CEP120: variants seen among roughly 807,000 people sequenced by gnomAD.
CEP120 encodes the protein centrosomal protein of 120 kDa.
In CEP120, 113 loss-of-function variants were observed where a neutral mutation model predicts 126.5. The observed-to-expected ratio is 0.89, with a 90% CI of 0.77 to 1.04. CEP120 has a LOEUF of 1.04. CEP120 is among the 50% of genes least tolerant of loss of function. The pLI, the probability that CEP120 is intolerant of heterozygous loss-of-function variation, is 0.00. For synonymous variants in CEP120, 400 were observed against 394.3 expected (o/e 1.01, Z -0.17); for missense variants, 1,230 against 1,155.7 (o/e 1.06, Z -0.93).
intron 8 of CEP120, among the ~76,000 whole-genome samples, chr5:123,389,714 G>C (rs1562052751): frequency 6.6e-6 from 1 of 152,114 alleles, no homozygotes; most frequent in Non-Finnish European, 1.5e-5. Context: ...TGGTCAGGCT[G>C]GTCTCGAATG....
chr5:123,412,470 G>A lies in CEP120; in HGVS notation c.392C>T (p.Ala131Val). 1 of 1,611,148 alleles carries A rather than the reference G, an allele frequency of 6.2e-7. No individual in the cohort carries two copies. The highest frequency in any genetic ancestry group is 1.1e-5 in the South Asian group (1 of 90,486). Reference protein sequence around the residue: ...KFKSEIQISIALETDTKPPVD... With the variant: ...KFKSEIQISIVLETDTKPPVD... ...TGGTGGCTTTGTATCGGTTTCCAAAGCAATACTTATCTGTATCTCAGACTT... is the reference window on the plus strand; with the variant it reads ...TGGTGGCTTTGTATCGGTTTCCAAAACAATACTTATCTGTATCTCAGACTT... The change falls in exon 4 of 20, where the codon GCT (alanine) becomes GTT (valine). Residue 131 changes from alanine to valine, a missense_variant. By Grantham distance (64) the Ala-to-Val change is moderately conservative (BLOSUM62 0). Transcript: ENST00000306467.
At chr5:123,391,054 A>C (rs1220485855) in intron 7 of CEP120, 56 bp downstream of exon 7, 1 of 1,291,564 alleles carries the variant, frequency 7.7e-7, no homozygotes, top group African/African-American at 1.5e-5. Context: ...AACTTTTGTA[A>C]GTAATCATGC....
rs1768766840 is a variant in CEP120 at position 123,345,738 on chromosome 5, G to C, written c.*781C>G. On this transcript the variant is annotated 3_prime_UTR_variant, in exon 20 of 20. Transcript: ENST00000306467. ...AATGTCTTTATGTGTCTGTTTCCAT[G>C]TTCTATTACAGAGGGTTTAAGCTGA... is the stretch of plus-strand genomic sequence containing the variant. 6.6e-6 allele frequency: 1 copy of C among 152,092 alleles called. No homozygotes were observed. The allele number at this position is 152,092 out of a possible 1,614,324, so 9.4% of individuals were successfully genotyped here. A position where few individuals can be genotyped will look rare whatever the true frequency, so the allele number is the denominator to read the frequency against.
At chr5:123,407,728 A>C (rs1035770346) in intron 4 of CEP120, among the ~76,000 whole-genome samples, 1 of 152,196 alleles carries the variant, frequency 6.6e-6, no homozygotes, top group Non-Finnish European at 1.5e-5. Context: ...GATGCAATGG[A>C]TATCTATAGA....
At chr5:123,398,825 G>A (rs1772978565) in intron 5 of CEP120, among the ~76,000 whole-genome samples, 2 of 152,034 alleles carry the variant, frequency 1.3e-5, no homozygotes, top group South Asian at 2.1e-4. Context: ...AAAGTAAATC[G>A]TTCACAAATT....
intron 17 of CEP120, among the ~76,000 whole-genome samples, chr5:123,367,416 A>G (rs1018225859): frequency 1.3e-5 from 2 of 151,852 alleles, no homozygotes; most frequent in African/African-American, 2.4e-5. Flanking sequence ...TTATATATAT[A>G]TGTATGTATG....
Position 123,418,445 on chromosome 5 carries a change from A to G in CEP120, c.120T>C (p.Ala40=), listed in dbSNP as rs755706957. The G allele has an allele frequency of 1.2e-6, 2 of 1,612,774 alleles. No homozygotes were observed. The highest frequency in any genetic ancestry group is 2.2e-5 in the East Asian group (1 of 44,878). Residue 40 remains alanine (A), a synonymous_variant, in exon 2 of 20, where the codon GCT becomes GCC. Coordinates refer to ENST00000306467, the MANE Select transcript of CEP120 (RefSeq NM_001375405.1). ...VEAKFDGEQL[A]TDPVDHTDQP... ...GGTCAGTGTGGTCCACAGGATCAGT[A>G]GCCAACTGTTCTCCATCAAACTTTG...
chr5:123,412,219 T>A (rs962387968), intron 4 of CEP120, among the ~76,000 whole-genome samples, 180 bp downstream of exon 4: 1 of 152,226 alleles, frequency 6.6e-6, no homozygotes, highest in Non-Finnish European at 1.5e-5. Context: ...ATTTTCCTAT[T>A]TCTAAGATTT....
intron 4 of CEP120, 30 bp from the exon 5 acceptor site, chr5:123,399,314 A>C: frequency 6.2e-7 from 1 of 1,605,692 alleles, no homozygotes; most frequent in Non-Finnish European, 8.5e-7. Context: ...ATTAAACTAC[A>C]TTGTAGTTTG....
At chr5:123,382,943 G>T (rs779800776) in intron 12 of CEP120, 43 bp downstream of exon 12, 18 of 1,601,140 alleles carry the variant, frequency 1.1e-5, no homozygotes, top group Non-Finnish European at 1.5e-5. Flanking sequence ...ATGCACATTA[G>T]ATTCCTTTTA....
chr5:123,394,643 T>A (rs1254463982), intron 5 of CEP120, among the ~76,000 whole-genome samples: 1 of 152,220 alleles, frequency 6.6e-6, no homozygotes, highest in Non-Finnish European at 1.5e-5. Flanking sequence ...TTGTATAGTT[T>A]GTGAAAATAA....
chr5:123,393,409 G>C lies in CEP120; in HGVS notation c.701C>G (p.Pro234Arg), dbSNP rs1320415968. 7 of 1,613,958 alleles carry C rather than the reference G, an allele frequency of 4.3e-6. No individual in the cohort carries two copies. Among genetic ancestry groups the C allele is most frequent in the Admixed American group, 1.7e-5 (1 of 59,998 alleles). The change falls in exon 6 of 20, where the codon CCC becomes CGC. Residue 234 changes from proline (P) to arginine (R), a missense_variant. Coordinates refer to ENST00000306467, the MANE Select transcript of CEP120 (RefSeq NM_001375405.1). ...SLLGNDVTNE[P>R]FNDLINPNFE... Reference sequence around the variant, plus strand: ...GTTTGGGTTGATTAAATCATTGAAGGGTTCATTTGTAACATCATTTCCCAG... The same window carrying C: ...GTTTGGGTTGATTAAATCATTGAAGCGTTCATTTGTAACATCATTTCCCAG...
At chr5:123,397,775 A>G (rs1772885005) in intron 5 of CEP120, among the ~76,000 whole-genome samples, 1 of 152,202 alleles carries the variant, frequency 6.6e-6, no homozygotes, top group Non-Finnish European at 1.5e-5. Flanking sequence ...TTACGTGGAC[A>G]TTTTGTTCCT....
At chr5:123,360,496 C>T (rs1022719287) in intron 18 of CEP120, among the ~76,000 whole-genome samples, 2 of 151,896 alleles carry the variant, frequency 1.3e-5, no homozygotes, top group African/African-American at 4.8e-5. Flanking sequence ...AGCATCTCTG[C>T]ACTCAAAGAA....
At chr5:123,394,466 G>A (rs1006522979) in intron 5 of CEP120, among the ~76,000 whole-genome samples, 1 of 152,130 alleles carries the variant, frequency 6.6e-6, no homozygotes, top group Non-Finnish European at 1.5e-5. Flanking sequence ...TGCCACCACT[G>A]ATCTGATAGG....
chr5:123,378,231 C>T (rs1360210329), intron 15 of CEP120, 105 bp downstream of exon 15: 1 of 754,730 alleles, frequency 1.3e-6, no homozygotes, highest in South Asian at 2.2e-5. Context: ...CATCCTGAGT[C>T]CCTTCTCTCT....
chr5:123,371,308 A>G (rs922787051), intron 17 of CEP120, among the ~76,000 whole-genome samples: 2 of 152,096 alleles, frequency 1.3e-5, no homozygotes, highest in Non-Finnish European at 1.5e-5. Flanking sequence ...CCTCACAATC[A>G]TGGTAGAAGG....
At chr5:123,357,255 T>C (rs1769704271) in intron 18 of CEP120, among the ~76,000 whole-genome samples, 1 of 152,104 alleles carries the variant, frequency 6.6e-6, no homozygotes, top group Non-Finnish European at 1.5e-5. Context: ...TGCATCTAGG[T>C]AGGCTTACTT....
At chr5:123,375,812 A>G (rs1415352567) in intron 16 of CEP120, among the ~76,000 whole-genome samples, 1 of 152,112 alleles carries the variant, frequency 6.6e-6, no homozygotes, top group Non-Finnish European at 1.5e-5. Context: ...TTTAAACAAG[A>G]CTACCCTACT....
Sources: gnomAD v4.1 joint callset for allele counts (sites outside exome capture counted in the v4.1 genomes callset) on GRCh38, gnomAD v4.1.1 for gene constraint, MANE v1.5 for transcripts, NCBI Gene and HGNC (gene_info 2026-07-23, HGNC 2026-07-21) for gene names.